The following RALGPS1 variants were observed in gnomAD, a reference collection of about 807,000 sequenced individuals.
The protein encoded by RALGPS1 is Ral GEF with PH domain and SH3 binding motif 1, also known as ras-specific guanine nucleotide-releasing factor RalGPS1.
In RALGPS1, 19 loss-of-function variants were observed where a neutral mutation model predicts 78.8. That is an observed-to-expected ratio of 0.24 (90% CI 0.17 to 0.35). The LOEUF is 0.35. RALGPS1 is among the 10% of genes least tolerant of loss of function. RALGPS1 has a pLI of 1.00. For synonymous variants in RALGPS1, 228 were observed against 256.3 expected, an observed-to-expected ratio of 0.89 and a Z score of 1.06; for missense variants, 454 against 688.3, an observed-to-expected ratio of 0.66 and a Z score of 3.81.
At chr9:127,186,363 A>G (rs755443146) in intron 11 of RALGPS1, among the ~76,000 whole-genome samples, 1 of 152,242 alleles carries the variant, frequency 6.6e-6, no homozygotes, top group East Asian at 1.9e-4. Context: ...TCCGTGCCAT[A>G]TCGGGGCTGG....
chr9:127,086,027 T>G (rs2051688524), intron 8 of RALGPS1, among the ~76,000 whole-genome samples: 1 of 152,176 alleles, frequency 6.6e-6, no homozygotes, highest in Non-Finnish European at 1.5e-5. Context: ...CAGTCTGACT[T>G]CAAGCCTCAT....
At chr9:126,957,436 C>T (rs1372198591) in intron 1 of RALGPS1, among the ~76,000 whole-genome samples, 2 of 152,220 alleles carry the variant, frequency 1.3e-5, no homozygotes, top group African/African-American at 4.8e-5. Context: ...GTCAAGCCCA[C>T]TTCAGCCTGG....
intron 4 of RALGPS1, among the ~76,000 whole-genome samples, chr9:127,009,651 T>TA (rs1342362186): frequency 1.3e-5 from 2 of 152,214 alleles, no homozygotes; most frequent in African/African-American, 4.8e-5. Flanking sequence ...CCTTCCCACT[T>TA]ACTGTTCTGT....
intron 1 of RALGPS1, among the ~76,000 whole-genome samples, chr9:126,956,476 G>A (rs1175600164): frequency 2.0e-5 from 3 of 152,162 alleles, no homozygotes; most frequent in Non-Finnish European, 4.4e-5. Context: ...GAGACATGCC[G>A]GAGTCAGACT....
chr9:126,958,140 A>AAATAT (rs1554765201), intron 1 of RALGPS1, among the ~76,000 whole-genome samples: 2 of 79,888 alleles, frequency 2.5e-5, no homozygotes, highest in African/African-American at 7.2e-5. Context: ...AAAAAAAAAA[A>AAATAT]AAATATATAT....
chr9:127,022,265 C>T (rs1322063549), intron 4 of RALGPS1, among the ~76,000 whole-genome samples: 1 of 152,118 alleles, frequency 6.6e-6, no homozygotes, highest in East Asian at 1.9e-4. Flanking sequence ...CTCCCTTTCT[C>T]CACACACACA....
chr9:127,008,727 C>T (rs747096239), intron 4 of RALGPS1, among the ~76,000 whole-genome samples: 33 of 152,162 alleles, frequency 2.2e-4, no homozygotes, highest in Non-Finnish European at 3.4e-4. Flanking sequence ...CTGGGCTTAA[C>T]ATCTCAAAAT....
At chr9:127,029,600 C>T (rs183599226) in intron 4 of RALGPS1, among the ~76,000 whole-genome samples, 5 of 152,328 alleles carry the variant, frequency 3.3e-5, no homozygotes, top group African/African-American at 7.2e-5. Context: ...TGAGGCAATG[C>T]GTTTTCCATG....
At chr9:126,996,116 A>G in intron 4 of RALGPS1, among the ~76,000 whole-genome samples, 1 of 152,246 alleles carries the variant, frequency 6.6e-6, no homozygotes, top group Non-Finnish European at 1.5e-5. Flanking sequence ...ATCACAATTA[A>G]AAGAACTAGA....
At position 127,218,842 on chromosome 9, in the gene RALGPS1, C is replaced by A; in HGVS notation, c.*73C>A. The A allele has an allele frequency of 6.6e-7, 1 of 1,518,286 alleles. No individual in the cohort carries two copies. Among genetic ancestry groups the A allele is most frequent in the South Asian group, 1.1e-5 (1 of 89,150 alleles). 94.1% of individuals were successfully genotyped at this position (1,518,286 alleles called of 1,614,324 possible). On this transcript the variant is annotated 3_prime_UTR_variant, in exon 19 of 19. Transcript: ENST00000259351. The surrounding 1 kb of genome is among the most constrained non-coding windows in gnomAD (Gnocchi z 4.4). ...CTGGGCCTGGTGGTGAAGAGCAGTC[C>A]TGGGCACAGGCTGTGAGCCAGGGTG...
intron 1 of RALGPS1, among the ~76,000 whole-genome samples, chr9:126,935,397 A>G (rs911404656): frequency 6.6e-6 from 1 of 152,208 alleles, no homozygotes; most frequent in Non-Finnish European, 1.5e-5. Flanking sequence ...GAATAAGGGA[A>G]GAAACAGAGA....
intron 4 of RALGPS1, among the ~76,000 whole-genome samples, chr9:127,005,580 T>A (rs192249285): frequency 7.7e-4 from 118 of 152,276 alleles, no homozygotes; most frequent in Non-Finnish European, 1.3e-3. Flanking sequence ...GGTTTTTTTT[T>A]ATGAAATGGA....
intron 11 of RALGPS1, among the ~76,000 whole-genome samples, chr9:127,184,619 G>GC (rs1221083950): frequency 6.6e-6 from 1 of 152,232 alleles, no homozygotes; most frequent in African/African-American, 2.4e-5. Context: ...AGGACACTGA[G>GC]CCCCCTTCAC....
chr9:127,217,259 C>T lies in RALGPS1; in HGVS notation c.1645-1481C>T, dbSNP rs1466441178. 4.2e-6 allele frequency: 5 copies of T among 1,183,668 alleles called. No homozygotes were observed. The African/African-American group carries it at 6.3e-5, about 15-fold the overall frequency. The allele number at this position is 1,183,668 out of a possible 1,614,324, so 73.3% of individuals were successfully genotyped here. On this transcript the variant is annotated intron_variant, in intron 18 of 18. Coordinates refer to ENST00000259351, the MANE Select transcript of RALGPS1 (RefSeq NM_014636.3). ...AGGAGGGGATTTTTCTTCCTACTTT[C>T]CCCCTTTTTTATTTCTAATTTACTT...
intron 11 of RALGPS1, among the ~76,000 whole-genome samples, chr9:127,184,827 T>TC (rs2060530568): frequency 6.6e-6 from 1 of 152,216 alleles, no homozygotes; most frequent in Non-Finnish European, 1.5e-5. Context: ...CTGAGTAGTT[T>TC]CCCCTCTGCC....
At chr9:126,975,253 A>T (rs1255452285) in intron 3 of RALGPS1, among the ~76,000 whole-genome samples, 1 of 152,244 alleles carries the variant, frequency 6.6e-6, no homozygotes, top group Non-Finnish European at 1.5e-5. Flanking sequence ...TGTTTTGAAT[A>T]AAACACCTGA....
rs752862591 is a variant in RALGPS1, at chr9:127,108,709, C to G, written c.610+39353C>G. 1.1e-5 allele frequency: 18 copies of G among 1,611,740 alleles called. No individual in the cohort carries two copies. Among genetic ancestry groups the G allele is most frequent in the Admixed American group, 8.3e-5 (5 of 59,954 alleles). On this transcript the variant is annotated intron_variant, in intron 8 of 18. Transcript: ENST00000259351. ...GGCAGCCAGCAGTCCGAGCCACCAG[C>G]ATGTCACGCACAGTGGCCTCATGGT...
intron 8 of RALGPS1, among the ~76,000 whole-genome samples, chr9:127,116,409 G>A (rs1478198011): frequency 6.6e-6 from 1 of 152,158 alleles, no homozygotes; most frequent in African/African-American, 2.4e-5. Flanking sequence ...TGCGTTATTT[G>A]GGAACCATTT....
intron 4 of RALGPS1, among the ~76,000 whole-genome samples, chr9:127,015,965 T>G (rs1487757199): frequency 6.6e-6 from 1 of 152,144 alleles, no homozygotes; most frequent in Non-Finnish European, 1.5e-5. Context: ...TTTTCTTTTC[T>G]TTCTTCCTTT....
Sources: gnomAD v4.1 joint callset for allele counts (sites outside exome capture counted in the v4.1 genomes callset) on GRCh38, gnomAD v4.1.1 for gene constraint, Gnocchi (gnomAD v3.1) non-coding constraint, MANE v1.5 for transcripts, NCBI Gene and HGNC (gene_info 2026-07-23, HGNC 2026-07-21) for gene names.